The following ASAP1 variants were observed in gnomAD, a reference collection of about 807,000 sequenced individuals.
The protein encoded by ASAP1 is ArfGAP with SH3 domain, ankyrin repeat and PH domain 1.
A neutral mutation model predicts 145.2 loss-of-function variants in ASAP1; 43 were observed. That is an observed-to-expected ratio of 0.30 (90% CI 0.23 to 0.38). ASAP1 has a LOEUF of 0.38. ASAP1 is among the 10% of genes least tolerant of loss of function. ASAP1 has a pLI of 1.00. For missense variants in ASAP1, 1,018 were observed against 1,355.3 expected, an observed-to-expected ratio of 0.75 and a Z score of 3.91; for synonymous variants, 546 against 515.5, an observed-to-expected ratio of 1.06 and a Z score of -0.80.
intron 3 of ASAP1, among the ~76,000 whole-genome samples, chr8:130,308,234 A>G (rs752392036): frequency 2.6e-5 from 4 of 152,232 alleles, no homozygotes; most frequent in African/African-American, 4.8e-5. Context: ...AATATACTTG[A>G]GTGTTTTCTC....
intron 2 of ASAP1, among the ~76,000 whole-genome samples, chr8:130,379,160 C>G (rs575230267): frequency 6.8e-4 from 104 of 152,138 alleles, no homozygotes; most frequent in Non-Finnish European, 1.1e-3. Flanking sequence ...CCACAGAGAT[C>G]AAGGAGCTTC....
intron 25 of ASAP1, among the ~76,000 whole-genome samples, chr8:130,080,539 A>C (rs140685922): frequency 6.6e-4 from 99 of 150,276 alleles, no homozygotes; most frequent in African/African-American, 2.0e-3. Context: ...GCAGTGGTGC[A>C]ATCATGGCTC....
chr8:130,204,224 A>G (rs775514048), intron 5 of ASAP1, among the ~76,000 whole-genome samples: 1 of 152,174 alleles, frequency 6.6e-6, no homozygotes. Context: ...GTTGCACGCT[A>G]CTTATGAGAA....
At chr8:130,389,672 A>G (rs886348953) in intron 2 of ASAP1, among the ~76,000 whole-genome samples, 3 of 152,100 alleles carry the variant, frequency 2.0e-5, no homozygotes, top group African/African-American at 7.2e-5. Flanking sequence ...TCTCTGTTCT[A>G]TACACTGAGC....
At chr8:130,159,750 A>G (rs1468181215) in intron 12 of ASAP1, 114 bp downstream of exon 12, 34 of 796,850 alleles carry the variant, frequency 4.3e-5, no homozygotes, top group Non-Finnish European at 6.6e-5. Flanking sequence ...CCAGTGTGCT[A>G]AAGGTCTGCA....
chr8:130,082,893 T>C (rs75776340), intron 25 of ASAP1: 1 of 152,084 alleles, frequency 6.6e-6, no homozygotes, highest in African/African-American at 2.4e-5. Context: ...TGCTCAATGA[T>C]GAGTCTTCAG....
intron 24 of ASAP1, among the ~76,000 whole-genome samples, chr8:130,108,778 T>G (rs1188426286): frequency 7.6e-5 from 10 of 131,312 alleles, no homozygotes; most frequent in Admixed American, 2.3e-4. Flanking sequence ...TTTTTTTTTT[T>G]TTTTTTTTTT....
At chr8:130,126,229 G>GA in intron 16 of ASAP1, 140 bp from the exon 17 acceptor site, 2 of 825,172 alleles carry the variant, frequency 2.4e-6, no homozygotes, top group Non-Finnish European at 3.6e-6. Context: ...GGACTCTTGA[G>GA]GTTTAGCCTA....
chr8:130,293,415 A>G (rs1350708345), intron 3 of ASAP1, among the ~76,000 whole-genome samples: 1 of 152,182 alleles, frequency 6.6e-6, no homozygotes, highest in Non-Finnish European at 1.5e-5. Flanking sequence ...CTAACTTCCA[A>G]CATCCATCGC....
intron 3 of ASAP1, among the ~76,000 whole-genome samples, chr8:130,346,152 CA>C (rs945958272): frequency 6.6e-6 from 1 of 152,140 alleles, no homozygotes; most frequent in African/African-American, 2.4e-5. Context: ...ACATTAAAAA[CA>C]AAACAAGTTT....
chr8:130,358,214 C>T lies in ASAP1; in HGVS notation c.60-71G>A. On this transcript the variant is annotated intron_variant, in intron 2 of 29. Transcript: ENST00000518721. This position sits in a 1 kb window ranked among gnomAD's most constrained non-coding sequence, Gnocchi z 4.1. ...GGCGCAGGCTCCCGGGGCCGCGGGC[C>T]GCCCGGAGGCTCATGAACCCCGGCG... is the stretch of plus-strand genomic sequence containing the variant. 7.2e-7 allele frequency: 1 copy of T among 1,384,544 alleles called. No individual in the cohort carries two copies. The highest frequency in any genetic ancestry group is 9.6e-7 in the Non-Finnish European group (1 of 1,042,632). 85.8% of individuals were successfully genotyped at this position (1,384,544 alleles called of 1,614,324 possible).
chr8:130,176,121 G>A (rs1813933226), intron 9 of ASAP1, among the ~76,000 whole-genome samples: 1 of 152,164 alleles, frequency 6.6e-6, no homozygotes, highest in Non-Finnish European at 1.5e-5. Flanking sequence ...CTTCTTTTCT[G>A]TTCCCTTTAT....
At chr8:130,217,142 C>T (rs534820816) in intron 4 of ASAP1, among the ~76,000 whole-genome samples, 2 of 152,282 alleles carry the variant, frequency 1.3e-5, no homozygotes, top group East Asian at 1.9e-4. Context: ...ATGCATACCA[C>T]GTTCTCTTGG....
intron 3 of ASAP1, among the ~76,000 whole-genome samples, chr8:130,298,648 A>C (rs1447750941): frequency 1.3e-5 from 2 of 152,184 alleles, no homozygotes; most frequent in African/African-American, 2.4e-5. Flanking sequence ...TTCCAGGCTC[A>C]TTACCGTTCT....
intron 20 of ASAP1, among the ~76,000 whole-genome samples, chr8:130,117,765 C>T (rs571913451): frequency 1.3e-5 from 2 of 152,186 alleles, no homozygotes; most frequent in African/African-American, 2.4e-5. Flanking sequence ...TCTCTTTTAA[C>T]CTCTCCTAAC....
chr8:130,221,705 C>G (rs568736218), intron 4 of ASAP1, among the ~76,000 whole-genome samples: 1 of 152,184 alleles, frequency 6.6e-6, no homozygotes, highest in South Asian at 2.1e-4. Flanking sequence ...GTCTTTTGTC[C>G]ATATAATTTG....
rs548512902 is a variant in ASAP1 at position 130,276,728 on chromosome 8, A to ACACACACTCTCT, written c.187-39735_187-39734insAGAGAGTGTGTG. Among the ~76,000 whole-genome samples the ACACACACTCTCT allele has an allele frequency of 6.6e-3, 574 of 87,286 alleles. 2 individuals are homozygous for ACACACACTCTCT. The highest frequency in any genetic ancestry group is 9.2e-3 in the Non-Finnish European group (417 of 45,410). 57.3% of individuals were successfully genotyped at this position (87,286 alleles called of 152,430 possible). On this transcript the variant is annotated intron_variant, in intron 3 of 29. Transcript: ENST00000518721. ...CACACACACACACACACACACACAC[A>ACACACACTCTCT]CTCTCTCTCTCTCTCTCTCTCTCTC...
Position 130,052,282 on chromosome 8 carries a change from G to C in ASAP1, c.*2449C>G, listed in dbSNP as rs2097394444. ...CGGCATTTAACTAGTGGCACTACAG[G>C]ATTCCTATACAACATGTTGAAGTTC... On this transcript the variant is annotated 3_prime_UTR_variant, in exon 30 of 30. Transcript: ENST00000518721. 6.6e-6 allele frequency: 1 copy of C among 152,590 alleles called. No individual in the cohort carries two copies. The highest frequency in any genetic ancestry group is 6.5e-5 in the Admixed American group (1 of 15,272). 9.5% of individuals were successfully genotyped at this position (152,590 alleles called of 1,614,324 possible). A position where few individuals can be genotyped will look rare whatever the true frequency, so the allele number is the denominator to read the frequency against.
chr8:130,183,994 T>C (rs1467698451), intron 7 of ASAP1, among the ~76,000 whole-genome samples: 1 of 152,208 alleles, frequency 6.6e-6, no homozygotes, highest in Non-Finnish European at 1.5e-5. Context: ...ATACATAATG[T>C]ACTTTATAAA....
Sources: gnomAD v4.1 joint callset for allele counts (sites outside exome capture counted in the v4.1 genomes callset) on GRCh38, gnomAD v4.1.1 for gene constraint, Gnocchi (gnomAD v3.1) non-coding constraint, MANE v1.5 for transcripts, NCBI Gene and HGNC (gene_info 2026-07-23, HGNC 2026-07-21) for gene names.